Variants in PAPPA2 observed in about 807,000 individuals in gnomAD.
The protein encoded by PAPPA2 is pappalysin-2.
Under a neutral mutation model 176.4 loss-of-function variants are expected in PAPPA2, and 86 were observed. The ratio of observed to expected loss-of-function variants is 0.49; its 90% CI spans 0.41 to 0.58. The LOEUF is 0.58. PAPPA2 is among the 20% of genes least tolerant of loss of function. The pLI, the probability that PAPPA2 is intolerant of heterozygous loss-of-function variation, is 0.00. For synonymous variants in PAPPA2, 809 were observed against 852.2 expected (o/e 0.95, Z 0.88); for missense variants, 2,073 against 2,256.9 (o/e 0.92, Z 1.65).
intron 14 of PAPPA2, among the ~76,000 whole-genome samples, chr1:176,740,887 G>A (rs1662649006): frequency 6.6e-6 from 1 of 152,078 alleles, no homozygotes; most frequent in South Asian, 2.1e-4. Context: ...CAGGTGACAG[G>A]GTTCATTCCT....
intron 4 of PAPPA2, among the ~76,000 whole-genome samples, chr1:176,685,084 CTTT>C (rs71644479): frequency 6.9e-6 from 1 of 144,524 alleles, no homozygotes. Flanking sequence ...CCCCACCTTC[CTTT>C]TTTTTTTTTG....
intron 21 of PAPPA2, among the ~76,000 whole-genome samples, chr1:176,836,135 C>T (rs143324035): frequency 3.3e-5 from 5 of 152,214 alleles, no homozygotes; most frequent in East Asian, 1.9e-4. Flanking sequence ...CTTCATCAGG[C>T]GCTGCACCAT....
chr1:176,836,617 A>G (rs1667281950), intron 21 of PAPPA2: 1 of 151,756 alleles, frequency 6.6e-6, no homozygotes, highest in Non-Finnish European at 1.5e-5. Context: ...TCACCCTTCT[A>G]TTTCTTCTTC....
At chr1:176,512,001 TCAGA>T (rs1194131689) in intron 1 of PAPPA2, among the ~76,000 whole-genome samples, 2 of 151,952 alleles carry the variant, frequency 1.3e-5, no homozygotes, top group Non-Finnish European at 2.9e-5. Flanking sequence ...AATACCTAGG[TCAGA>T]CAAAGTACTT....
At chr1:176,832,373 T>C (rs1266301515) in intron 21 of PAPPA2, among the ~76,000 whole-genome samples, 1 of 152,182 alleles carries the variant, frequency 6.6e-6, no homozygotes, top group Non-Finnish European at 1.5e-5. Context: ...CTCTTCTTTT[T>C]TTTGAGACAG....
chr1:176,714,038 A>G (rs1316337949), intron 12 of PAPPA2, among the ~76,000 whole-genome samples: 4 of 152,202 alleles, frequency 2.6e-5, no homozygotes, highest in African/African-American at 9.7e-5. Context: ...ACCAAAGGAC[A>G]TAATGGACCC....
At chr1:176,558,904 T>C (rs1651492459) in intron 2 of PAPPA2, among the ~76,000 whole-genome samples, 1 of 152,162 alleles carries the variant, frequency 6.6e-6, no homozygotes, top group Admixed American at 6.5e-5. Context: ...AATAGGAGTC[T>C]ATGTGGGTGG....
At chr1:176,607,051 TTTATTTTTA>T (rs1485001595) in intron 3 of PAPPA2, among the ~76,000 whole-genome samples, 1 of 152,116 alleles carries the variant, frequency 6.6e-6, no homozygotes, top group African/African-American at 2.4e-5. Context: ...ATGTTTTATT[TTTATTTTTA>T]TTATTTTTAT....
rs953786654 is a variant in PAPPA2 at position 176,842,700 on chromosome 1, G to A, written c.*246G>A. On this transcript the variant is annotated 3_prime_UTR_variant, in exon 23 of 23. Transcript: ENST00000367662. ...AGTGGCAGTTGATTAACATGGAAGGGGAAATATGATAGATATATAAGGACC... is the reference window on the plus strand; with the variant it reads ...AGTGGCAGTTGATTAACATGGAAGGAGAAATATGATAGATATATAAGGACC... 6.1e-5 allele frequency: 30 copies of A among 494,310 alleles called. No homozygotes were observed. Among genetic ancestry groups the A allele is most frequent in the Middle Eastern group, 1.1e-3 (2 of 1,794 alleles). 30.6% of individuals were successfully genotyped at this position (494,310 alleles called of 1,614,324 possible). A position where few individuals can be genotyped will look rare whatever the true frequency, so the allele number is the denominator to read the frequency against.
intron 17 of PAPPA2, among the ~76,000 whole-genome samples, chr1:176,779,476 TCACACACACACA>T (rs376976102): frequency 2.8e-4 from 36 of 126,968 alleles, no homozygotes; most frequent in East Asian, 1.5e-3. Flanking sequence ...TCCATACTCA[TCACACACACACA>T]CACACACACA....
At chr1:176,720,324 T>C (rs1266790679) in intron 12 of PAPPA2, among the ~76,000 whole-genome samples, 3 of 152,180 alleles carry the variant, frequency 2.0e-5, no homozygotes, top group Non-Finnish European at 2.9e-5. Context: ...TCTTCTTTCA[T>C]CCTATTACTT....
At chr1:176,557,387 A>G in intron 2 of PAPPA2, 146 bp downstream of exon 2, 5 of 891,650 alleles carry the variant, frequency 5.6e-6, no homozygotes, top group Non-Finnish European at 6.6e-6. Flanking sequence ...AAGGGCCTTT[A>G]TTAATCAGCA....
At chr1:176,473,929 A>T (rs1652001523) in intron 1 of PAPPA2, among the ~76,000 whole-genome samples, 1 of 152,176 alleles carries the variant, frequency 6.6e-6, no homozygotes, top group Admixed American at 6.5e-5. Flanking sequence ...TCAGAGTGGT[A>T]AGTAAGTGAA....
intron 4 of PAPPA2, among the ~76,000 whole-genome samples, chr1:176,674,384 G>A (rs568995495): frequency 6.6e-6 from 1 of 152,168 alleles, no homozygotes; most frequent in African/African-American, 2.4e-5. Flanking sequence ...CACTGTACCA[G>A]TGTATAGTCT....
chr1:176,517,390 G>A (rs1264024668), intron 1 of PAPPA2, among the ~76,000 whole-genome samples: 1 of 152,156 alleles, frequency 6.6e-6, no homozygotes, highest in African/African-American at 2.4e-5. Context: ...TAAATCTGTC[G>A]ACAGGCCATT....
In PAPPA2 at chr1:176,473,761, A is replaced by T. The variant is rs140209907; in HGVS notation, c.-917+10343A>T. Among the ~76,000 whole-genome samples, 113 of 152,262 alleles carry T rather than the reference A, an allele frequency of 7.4e-4. No individual in the cohort carries two copies. In the Middle Eastern group the frequency reaches 0.01, roughly 14 times the overall value. Reference sequence around the variant, plus strand: ...GTAGTGGTATCTCATTGCTGTTTTAATTTGTAATTCCTGAATGATATATGA... The same window carrying T: ...GTAGTGGTATCTCATTGCTGTTTTATTTTGTAATTCCTGAATGATATATGA... On this transcript the variant is annotated intron_variant, in intron 1 of 22. Coordinates refer to ENST00000367662, the MANE Select transcript of PAPPA2 (RefSeq NM_020318.3).
At chr1:176,691,286 A>G (rs1379235062) in intron 5 of PAPPA2, 3 of 574,098 alleles carry the variant, frequency 5.2e-6, no homozygotes, top group Admixed American at 6.3e-5. Context: ...TATCCAAAAA[A>G]GAATAAACCA....
chr1:176,659,933 C>T (rs1373219891), intron 3 of PAPPA2, among the ~76,000 whole-genome samples: 1 of 152,012 alleles, frequency 6.6e-6, no homozygotes, highest in South Asian at 2.1e-4. Context: ...CAATTTTTTC[C>T]TCTGGAGTTG....
At chr1:176,655,734 G>A (rs2102750202) in intron 3 of PAPPA2, among the ~76,000 whole-genome samples, 1 of 151,934 alleles carries the variant, frequency 6.6e-6, no homozygotes, top group South Asian at 2.1e-4. Flanking sequence ...AATGGGTACA[G>A]TGTATATTAT....
Sources: gnomAD v4.1 joint callset for allele counts (sites outside exome capture counted in the v4.1 genomes callset) on GRCh38, gnomAD v4.1.1 for gene constraint, MANE v1.5 for transcripts, NCBI Gene and HGNC (gene_info 2026-07-23, HGNC 2026-07-21) for gene names.